NAV1: variants seen among roughly 807,000 people sequenced by gnomAD.
The protein encoded by NAV1 is pore membrane and/or filament interacting like protein 3.
A neutral mutation model predicts 175.2 loss-of-function variants in NAV1; 18 were observed. The observed-to-expected ratio is 0.10, with a 90% confidence interval of 0.07 to 0.15. The LOEUF (loss-of-function observed/expected upper bound fraction) is 0.15, where lower values mean the gene tolerates loss of function less well. NAV1 is among the 10% of genes least tolerant of loss of function. The pLI, the probability that NAV1 is intolerant of heterozygous loss-of-function variation, is 1.00. For missense variants in NAV1, 1,731 were observed against 2,436.6 expected, an observed-to-expected ratio of 0.71 and a Z score of 6.10; for synonymous variants, 897 against 978.7, an observed-to-expected ratio of 0.92 and a Z score of 1.56.
At chr1:201,549,671 G>T (rs1435645510) in intron 1 of NAV1, among the ~76,000 whole-genome samples, 2 of 150,728 alleles carry the variant, frequency 1.3e-5, no homozygotes, top group East Asian at 2.0e-4. Context: ...TGTGGTTGCT[G>T]GGCAGGTTAC....
At chr1:201,771,500 G>GAAAAAAAAAAAAAAAAAAAAAAAA (rs55864064) in intron 3 of NAV1, among the ~76,000 whole-genome samples, 1 of 86,838 alleles carries the variant, frequency 1.2e-5, no homozygotes. Flanking sequence ...ACTTCGTCTA[G>GAAAAAAAAAAAAAAAAAAAAAAAA]AAAAAAAAAA....
chr1:201,726,570 C>A (rs1672613647), intron 3 of NAV1, among the ~76,000 whole-genome samples: 1 of 151,366 alleles, frequency 6.6e-6, no homozygotes, highest in Non-Finnish European at 1.5e-5. Flanking sequence ...ATTGCTTGAA[C>A]CCAGGAGGTG....
At chr1:201,702,672 T>TTCCCTCTCTG (rs1365276379) in intron 1 of NAV1, among the ~76,000 whole-genome samples, 1 of 1,718 alleles carries the variant, frequency 5.8e-4, no homozygotes, top group African/African-American at 7.6e-4. Context: ...GGTATGTGAA[T>TTCCCTCTCTG]TCTCTCTCTC....
intron 29 of NAV1, 132 bp downstream of exon 33, chr1:201,817,417 A>C: frequency 1.3e-6 from 1 of 762,206 alleles, no homozygotes; most frequent in East Asian, 2.7e-5. Context: ...GTTCAAAACC[A>C]GCCTGGGCAA....
intron 17 of NAV1, among the ~76,000 whole-genome samples, chr1:201,805,032 ACTGT>A (rs1269621445): frequency 6.6e-6 from 1 of 152,138 alleles, no homozygotes; most frequent in African/African-American, 2.4e-5. Context: ...AAAGCCTAAA[ACTGT>A]CTAAGCATCC....
At chr1:201,719,088 G>A (rs930302093) in intron 3 of NAV1, among the ~76,000 whole-genome samples, 3 of 150,874 alleles carry the variant, frequency 2.0e-5, no homozygotes, top group Non-Finnish European at 4.4e-5. Context: ...CCTTGGAAAA[G>A]CATTTTATTC....
exon 30 of NAV1, chr1:201,823,364 G>GTGTGTGTA (rs1491129742): frequency 2.1e-5 from 1 of 47,236 alleles, no homozygotes; most frequent in Non-Finnish European, 5.8e-5. Flanking sequence ...TGATGTCTGC[G>GTGTGTGTA]TGTGTGTGTG....
At chr1:201,639,360 G>GCA (rs1668687293) in intron 2 of NAV1, among the ~76,000 whole-genome samples, 4 of 152,266 alleles carry the variant, frequency 2.6e-5, no homozygotes, top group African/African-American at 7.2e-5. Flanking sequence ...AGGACATCAT[G>GCA]GAGTTCTGGC....
At chr1:201,578,151 AG>A (rs924220714) in intron 1 of NAV1, among the ~76,000 whole-genome samples, 5 of 152,156 alleles carry the variant, frequency 3.3e-5, no homozygotes, top group African/African-American at 1.2e-4. Context: ...ATAGTCCCAC[AG>A]GCCCCTAAGA....
chr1:201,556,229 T>C (rs1254057401), intron 1 of NAV1, among the ~76,000 whole-genome samples: 5 of 151,994 alleles, frequency 3.3e-5, no homozygotes, highest in African/African-American at 1.2e-4. Flanking sequence ...CTGGACAACA[T>C]ACAGAGTCCC....
rs1378655980 is a variant in NAV1, at chr1:201,807,829, G to C, written c.3649-124G>C. The C allele has an allele frequency of 2.0e-5, 17 of 870,524 alleles. No homozygotes were observed. The highest frequency in any genetic ancestry group is 1.9e-4 in the Admixed American group (9 of 47,720). The allele number at this position is 870,524 out of a possible 1,614,324, so 53.9% of individuals were successfully genotyped here. A position where few individuals can be genotyped will look rare whatever the true frequency, so the allele number is the denominator to read the frequency against. ...ATGAATCAAGTGAAGTGTTATAGAG[G>C]GTGGCTTAATTAAAGTAAATCCCCC... On this transcript the variant is annotated intron_variant, in intron 17 of 29. Transcript: ENST00000367296. The surrounding 1 kb of genome is among the most constrained non-coding windows in gnomAD (Gnocchi z 5.4).
intron 1 of NAV1, among the ~76,000 whole-genome samples, chr1:201,581,976 G>T (rs1185860067): frequency 6.6e-6 from 1 of 151,916 alleles, no homozygotes; most frequent in African/African-American, 2.4e-5. Context: ...GGCGCCTGTA[G>T]TCCCAGCTAC....
intron 1 of NAV1, among the ~76,000 whole-genome samples, chr1:201,670,541 G>A (rs1050979949): frequency 2.0e-5 from 3 of 151,454 alleles, no homozygotes; most frequent in Non-Finnish European, 4.4e-5. Context: ...CAGTGATGGT[G>A]GCAGTGATGG....
chr1:201,663,936 T>C (rs946149988), intron 1 of NAV1, among the ~76,000 whole-genome samples: 2 of 152,222 alleles, frequency 1.3e-5, no homozygotes, highest in African/African-American at 4.8e-5. Flanking sequence ...TGCATAGAGA[T>C]TGGATTTCCT....
exon 30 of NAV1, chr1:201,821,864 T>G (rs1679404637): frequency 6.6e-6 from 1 of 152,334 alleles, no homozygotes; most frequent in South Asian, 2.1e-4. Context: ...TTCAGGACTC[T>G]GCAGGTCAAG....
chr1:201,815,999 A>G (rs1679008710), intron 28 of NAV1, among the ~76,000 whole-genome samples: 1 of 152,008 alleles, frequency 6.6e-6, no homozygotes, highest in Non-Finnish European at 1.5e-5. Context: ...CGGCCTCCCA[A>G]AGTGCTGGGA....
chr1:201,756,826 TTCTTTCTTTCTTTCTTTC>T (rs1189759615), intron 3 of NAV1, among the ~76,000 whole-genome samples: 74 of 79,062 alleles, frequency 9.4e-4, no homozygotes, highest in Middle Eastern at 0.012. Context: ...CTTTCTTTCT[TTCTTTCTTTCTTTCTTTC>T]TTTCTTTCTT....
At position 201,740,649 on chromosome 1, in the gene NAV1, TG is replaced by T. The variant is rs1673361861; in HGVS notation, c.1226+21896del. Among the ~76,000 whole-genome samples the T allele has an allele frequency of 6.6e-6, 1 of 152,132 alleles. No homozygotes were observed. Among genetic ancestry groups the T allele is most frequent in the Non-Finnish European group, 1.5e-5 (1 of 68,024 alleles). ...TTGAATTTGTGACCGTACTGCTGGC[TG>T]GATACTTCCGAGAGAGAGTGAAGCC... On this transcript the variant is annotated intron_variant, in intron 3 of 29. Transcript: ENST00000367296. The surrounding 1 kb of genome is among the most constrained non-coding windows in gnomAD (Gnocchi z 4.7).
chr1:201,738,219 C>T (rs568683814), intron 3 of NAV1, among the ~76,000 whole-genome samples: 2 of 152,014 alleles, frequency 1.3e-5, no homozygotes, highest in Non-Finnish European at 2.9e-5. Context: ...AATCTGTCTG[C>T]CCCCCATGCT....
Sources: gnomAD v4.1 joint callset for allele counts (sites outside exome capture counted in the v4.1 genomes callset) on GRCh38, gnomAD v4.1.1 for gene constraint, Gnocchi (gnomAD v3.1) non-coding constraint, MANE v1.5 for transcripts, NCBI Gene and HGNC (gene_info 2026-07-23, HGNC 2026-07-21) for gene names.